The following CDSN variants were observed in gnomAD, a reference collection of about 807,000 sequenced individuals.
CDSN encodes S protein.
Under a neutral mutation model 25.6 loss-of-function variants are expected in CDSN, and 11 were observed. That is an observed-to-expected ratio of 0.43 (90% confidence interval 0.27 to 0.71). The LOEUF is 0.71. Ranked by LOEUF, CDSN falls within the 30% of genes least tolerant of loss-of-function variation. CDSN has a pLI of 0.20. For missense variants in CDSN, 598 were observed against 670.9 expected (o/e 0.89, Z 1.20); for synonymous variants, 266 against 267.4 (o/e 0.99, Z 0.05).
In CDSN at chr6:31,117,483, G is replaced by T. The variant is rs1335533174; in HGVS notation, c.132C>A (p.Asp44Glu). 1.9e-6 allele frequency: 3 copies of T among 1,552,462 alleles called. No homozygotes were observed. Among genetic ancestry groups the T allele is most frequent in the South Asian group, 2.4e-5 (2 of 84,188 alleles). Residue 44 changes from aspartate to glutamate, a missense_variant, in exon 2 of 2, where the codon GAC becomes GAA. Physicochemically the swap from Asp to Glu is conservative, Grantham distance 45 (BLOSUM62 2). Coordinates refer to ENST00000376288, the MANE Select transcript of CDSN (RefSeq NM_001264.5). ...SIGTFSDPCK[D>E]PTRITSPNDP... is the part of the protein sequence containing the mutation. ...CGTTAGGGGAGGTGATACGCGTGGG[G>T]TCCTTACAAGGGTCTGAGAAGGTGC...
chr6:31,119,538 C>T (rs1772351213), intron 1 of CDSN, among the ~76,000 whole-genome samples: 1 of 152,212 alleles, frequency 6.6e-6, no homozygotes, highest in Admixed American at 6.5e-5. Flanking sequence ...TTCTCTGAGC[C>T]TCAGTGTCCT....
chr6:31,119,283 C>T (rs13201757), intron 1 of CDSN, among the ~76,000 whole-genome samples: 19,662 of 152,146 alleles, frequency 0.13, 1,369 homozygotes, highest in Middle Eastern at 0.21. Flanking sequence ...GCATGCACCT[C>T]CACGCCGAAC....
chr6:31,117,756 A>G, intron 1 of CDSN: 1 of 577,550 alleles, frequency 1.7e-6, no homozygotes, highest in Non-Finnish European at 3.1e-6. Context: ...ACCAACCAGA[A>G]AAATAGAAAA....
At chr6:31,119,241 G>A (rs940710404) in intron 1 of CDSN, among the ~76,000 whole-genome samples, 14 of 152,230 alleles carry the variant, frequency 9.2e-5, no homozygotes, top group South Asian at 2.1e-4. Context: ...CCTCTGTGAT[G>A]TCCCTGTTCT....
chr6:31,117,165 G>C lies in CDSN; in HGVS notation c.450C>G (p.Ser150Arg). The change falls in exon 2 of 2, where the codon AGC (serine) becomes AGG (arginine). Residue 150 changes from serine (S) to arginine (R), a missense_variant. By Grantham distance (110) the Ser-to-Arg change is moderately radical (BLOSUM62 -1). Coordinates refer to ENST00000376288, the MANE Select transcript of CDSN (RefSeq NM_001264.5). Reference protein sequence around the residue: ...HSGNSGSHSGSSSSHSSSSSS... With the variant: ...HSGNSGSHSGRSSSHSSSSSS... ...TGCTGCTGCTCGAATGAGAGCTGCT[G>C]CTTCCCGAGTGAGAGCCGCTGTTTC... is the stretch of plus-strand genomic sequence containing the variant. 1 of 1,613,554 alleles carries C rather than the reference G, an allele frequency of 6.2e-7. No individual in the cohort carries two copies.
intron 1 of CDSN, 193 bp from the exon 2 acceptor site, chr6:31,117,722 T>C: frequency 1.6e-6 from 1 of 609,672 alleles, no homozygotes; most frequent in South Asian, 2.0e-5. Flanking sequence ...AAGGCATTTC[T>C]TTGTTTGGGA....
In CDSN at chr6:31,116,134, A is replaced by T; in HGVS notation, c.1481T>A (p.Ile494Asn). ...KPCGSSSAGKIPCRSIRDILA... is the reference protein window; with the variant it reads ...KPCGSSSAGKNPCRSIRDILA... ...GATATCCCGGATGGAGCGGCAGGGG[A>T]TCTTTCCAGCACTGCTGGAGCCACA... Residue 494 changes from isoleucine (I) to asparagine (N), a missense_variant, in exon 2 of 2, where the codon ATC (isoleucine) becomes AAC (asparagine). Coordinates refer to ENST00000376288, the MANE Select transcript of CDSN (RefSeq NM_001264.5). The T allele has an allele frequency of 6.2e-7, 1 of 1,610,638 alleles. No homozygotes were observed.
rs1302528561 is a variant in CDSN, at chr6:31,115,721, A to C, written c.*304T>G. ...GGGTGTTACTCAATGGACCATTTCC[A>C]CACAGTAGAGGGAATTGTAAGGGGT... On this transcript the variant is annotated 3_prime_UTR_variant, in exon 2 of 2. Transcript: ENST00000376288. This position sits in a 1 kb window ranked among gnomAD's most constrained non-coding sequence, Gnocchi z 4.2. 14 of 462,256 alleles carry C rather than the reference A, an allele frequency of 3.0e-5. No individual in the cohort carries two copies. The highest frequency in any genetic ancestry group is 5.0e-5 in the Non-Finnish European group (13 of 260,182). 28.6% of individuals were successfully genotyped at this position (462,256 alleles called of 1,614,324 possible).
intron 1 of CDSN, 132 bp downstream of exon 1, chr6:31,120,203 G>T: frequency 1.4e-6 from 1 of 698,322 alleles, no homozygotes; most frequent in South Asian, 1.7e-5. Flanking sequence ...TACCTGAGGC[G>T]ACCATACAGT....
intron 1 of CDSN, 113 bp downstream of exon 1, chr6:31,120,222 A>G: frequency 1.2e-6 from 1 of 819,586 alleles, no homozygotes; most frequent in Non-Finnish European, 2.0e-6. Flanking sequence ...GTGAGGAGCA[A>G]CCCCCAGACT....
chr6:31,117,802 T>G (rs1772249355), intron 1 of CDSN: 2 of 483,228 alleles, frequency 4.1e-6, no homozygotes, highest in Non-Finnish European at 7.6e-6. Context: ...AAGGAATACA[T>G]TGAATATAAG....
At chr6:31,117,598 T>A in intron 1 of CDSN, 69 bp from the exon 2 acceptor site, 1 of 1,371,104 alleles carries the variant, frequency 7.3e-7, no homozygotes, top group Non-Finnish European at 1.0e-6. Flanking sequence ...TTCTGCCTTA[T>A]CTCAGTCATC....
chr6:31,119,425 A>G (rs1049963303), intron 1 of CDSN, among the ~76,000 whole-genome samples: 7 of 152,214 alleles, frequency 4.6e-5, no homozygotes, highest in African/African-American at 1.7e-4. Flanking sequence ...AAGGGCTATA[A>G]GTACCCGGTG....
intron 1 of CDSN, chr6:31,117,828 G>A (rs1244643960): frequency 7.2e-5 from 30 of 414,030 alleles, no homozygotes; most frequent in Non-Finnish European, 9.3e-5. Flanking sequence ...GCTGGGCACA[G>A]TGGCTCACGC....
Position 31,115,320 on chromosome 6 carries a change from G to T in CDSN, c.*705C>A. On this transcript the variant is annotated 3_prime_UTR_variant, in exon 2 of 2. Coordinates refer to ENST00000376288, the MANE Select transcript of CDSN (RefSeq NM_001264.5). The surrounding 1 kb of genome is among the most constrained non-coding windows in gnomAD (Gnocchi z 4.2). ...TCTGTCCAGGATCCAGGGACAGCAG[G>T]GAGCCTGCTTCAACCTCTGAGGGTG... The T allele has an allele frequency of 5.4e-6, 1 of 185,962 alleles. No homozygotes were observed. Among genetic ancestry groups the T allele is most frequent in the Non-Finnish European group, 1.1e-5 (1 of 88,086 alleles). 11.5% of individuals were successfully genotyped at this position (185,962 alleles called of 1,614,324 possible). A position where few individuals can be genotyped will look rare whatever the true frequency, so the allele number is the denominator to read the frequency against.
rs758370258 is a variant in CDSN, at chr6:31,116,013, A to G, written c.*12T>C. 1 of 1,555,156 alleles carries G rather than the reference A, an allele frequency of 6.4e-7. No individual in the cohort carries two copies. The highest frequency in any genetic ancestry group is 2.4e-5 in the East Asian group (1 of 42,098). On this transcript the variant is annotated 3_prime_UTR_variant, in exon 2 of 2. Coordinates refer to ENST00000376288, the MANE Select transcript of CDSN (RefSeq NM_001264.5). ...TGTGCCCAAGGCATGCACACACACA[A>G]CAGTTGACTTCTTATGGACTGTTGA...
chr6:31,117,714 G>A lies in CDSN; in HGVS notation c.86-185C>T. On this transcript the variant is annotated intron_variant, in intron 1 of 1. Transcript: ENST00000376288. ...AAGGATATTGAGGTGGCCGAATAAA[G>A]GCATTTCTTTGTTTGGGAAGGGTGG... 3 of 615,996 alleles carry A rather than the reference G, an allele frequency of 4.9e-6. No individual in the cohort carries two copies. In the South Asian group the frequency reaches 5.8e-5, roughly 12 times the overall value. The allele number at this position is 615,996 out of a possible 1,614,324, so 38.2% of individuals were successfully genotyped here. A position where few individuals can be genotyped will look rare whatever the true frequency, so the allele number is the denominator to read the frequency against.
In CDSN at chr6:31,117,535, GAGGA is replaced by G. The variant is rs1279957945; in HGVS notation, c.86-10_86-7del. The G allele has an allele frequency of 6.5e-7, 1 of 1,549,626 alleles. No homozygotes were observed. The highest frequency in any genetic ancestry group is 2.0e-5 in the Admixed American group (1 of 51,012). ...AATGCTCTTAGCCAAGGTCCCTGTG[GAGGA>G]AAGCAGTGGTTAGTAAGGGCCAAGG... On this transcript the variant is annotated splice_polypyrimidine_tract_variant and splice_region_variant and intron_variant, in intron 1 of 1. Transcript: ENST00000376288.
intron 1 of CDSN, chr6:31,118,325 C>G (rs117198148): frequency 6.6e-6 from 1 of 152,458 alleles, no homozygotes. Flanking sequence ...GCCAGTAAAG[C>G]TGGGTGGGGG....
Sources: allele counts gnomAD v4.1 joint callset (sites outside exome capture counted in the v4.1 genomes callset), GRCh38; gene constraint gnomAD v4.1.1; non-coding constraint Gnocchi (gnomAD v3.1); transcripts MANE v1.5; gene names NCBI Gene and HGNC (gene_info 2026-07-23, HGNC 2026-07-21).